Variants in FRMD4B observed in about 807,000 individuals in gnomAD.
The protein encoded by FRMD4B is FERM domain-containing protein 4B.
In FRMD4B, 74 loss-of-function variants were observed where a neutral mutation model predicts 141.5. That is an observed-to-expected ratio of 0.52 (90% CI 0.43 to 0.63). The LOEUF (loss-of-function observed/expected upper bound fraction) is 0.63, where lower values mean the gene tolerates loss of function less well. Ranked by LOEUF, FRMD4B falls within the 30% of genes least tolerant of loss-of-function variation. The pLI, the probability that FRMD4B is intolerant of heterozygous loss-of-function variation, is 0.00. For missense variants in FRMD4B, 1,366 were observed against 1,253.4 expected, an observed-to-expected ratio of 1.09 and a Z score of -1.36; for synonymous variants, 506 against 467.9, an observed-to-expected ratio of 1.08 and a Z score of -1.05.
chr3:69,225,475 A>G (rs949882732), intron 7 of FRMD4B, among the ~76,000 whole-genome samples: 2 of 139,664 alleles, frequency 1.4e-5, no homozygotes, highest in Admixed American at 8.1e-5. Context: ...GGAGATTGAG[A>G]CCATCCTGGC....
intron 1 of FRMD4B, among the ~76,000 whole-genome samples, chr3:69,509,257 C>A (rs911122541): frequency 3.9e-5 from 6 of 152,186 alleles, no homozygotes; most frequent in African/African-American, 1.4e-4. Flanking sequence ...CGGAAGCGAT[C>A]GCTTGCAGTG....
At chr3:69,201,674 CTA>C (rs2092968951) in intron 11 of FRMD4B, among the ~76,000 whole-genome samples, 1 of 152,098 alleles carries the variant, frequency 6.6e-6, no homozygotes, top group African/African-American at 2.4e-5. Flanking sequence ...AATCATTCTC[CTA>C]CTGTGTTTTT....
intron 11 of FRMD4B, among the ~76,000 whole-genome samples, chr3:69,215,514 A>T (rs1337491268): frequency 6.6e-6 from 1 of 151,086 alleles, no homozygotes; most frequent in African/African-American, 2.4e-5. Flanking sequence ...GCTGGTCTCA[A>T]ATTCCTGACC....
chr3:69,517,689 C>T (rs529330996), intron 1 of FRMD4B, among the ~76,000 whole-genome samples: 1 of 152,266 alleles, frequency 6.6e-6, no homozygotes, highest in South Asian at 2.1e-4. Flanking sequence ...GCTTTCAAAT[C>T]CACCCTGCAT....
At chr3:69,470,416 G>GT (rs1378637324) in intron 1 of FRMD4B, among the ~76,000 whole-genome samples, 4 of 151,612 alleles carry the variant, frequency 2.6e-5, no homozygotes, top group South Asian at 4.2e-4. Flanking sequence ...TACCAGTCCA[G>GT]TTTTTTTTAA....
intron 6 of FRMD4B, among the ~76,000 whole-genome samples, chr3:69,249,674 C>T (rs980348010): frequency 3.3e-5 from 5 of 152,112 alleles, no homozygotes; most frequent in Admixed American, 6.5e-5. Context: ...AACTAAAGGG[C>T]TCTTTTACTG....
intron 13 of FRMD4B, 60 bp downstream of exon 13, chr3:69,196,835 GCTTAT>G (rs2107654566): frequency 8.2e-7 from 1 of 1,225,386 alleles, no homozygotes; most frequent in South Asian, 1.4e-5. Context: ...TTGTGAGAAG[GCTTAT>G]CTTCTGAACA....
Position 69,187,924 on chromosome 3 carries a change from TAAGTA to T in FRMD4B, c.1772-12_1772-8del, listed in dbSNP as rs919235640. 5.2e-6 allele frequency: 8 copies of T among 1,524,954 alleles called. No individual in the cohort carries two copies. In the Admixed American group the frequency reaches 1.6e-4, roughly 30 times the overall value. 94.5% of individuals were successfully genotyped at this position (1,524,954 alleles called of 1,614,324 possible). A position where few individuals can be genotyped will look rare whatever the true frequency, so the allele number is the denominator to read the frequency against. ...AAAGTGAAGGCATCACTGGCTATAA[TAAGTA>T]AATGGGTGAATGAAAAAATAAGTAG... is the stretch of plus-strand genomic sequence containing the variant. On this transcript the variant is annotated splice_polypyrimidine_tract_variant and splice_region_variant and intron_variant, in intron 18 of 22. Transcript: ENST00000398540.
chr3:69,458,516 C>T (rs73111277), intron 1 of FRMD4B, among the ~76,000 whole-genome samples: 1,935 of 152,238 alleles, frequency 0.013, 17 homozygotes, highest in African/African-American at 0.03. Context: ...GTGTCCTCAA[C>T]GTACAAAGAC....
At chr3:69,186,019 G>C (rs981717954) in intron 19 of FRMD4B, among the ~76,000 whole-genome samples, 1 of 150,394 alleles carries the variant, frequency 6.6e-6, no homozygotes, top group Non-Finnish European at 1.5e-5. Flanking sequence ...TCCAGCCTGG[G>C]TGACAGAGCA....
chr3:69,409,183 A>C (rs993027758), intron 2 of FRMD4B, among the ~76,000 whole-genome samples: 1 of 152,146 alleles, frequency 6.6e-6, no homozygotes, highest in Non-Finnish European at 1.5e-5. Context: ...CTTTGTGCTG[A>C]ATGTGTGAAT....
At chr3:69,188,403 T>G (rs1429570936) in intron 18 of FRMD4B, among the ~76,000 whole-genome samples, 8 of 152,176 alleles carry the variant, frequency 5.3e-5, no homozygotes, top group Admixed American at 5.2e-4. Context: ...ATATTTACAT[T>G]TTCAAAGAGG....
chr3:69,197,966 A>G (rs1169312310), intron 12 of FRMD4B: 2 of 152,288 alleles, frequency 1.3e-5, no homozygotes, highest in Admixed American at 6.5e-5. Flanking sequence ...CTCTACTAAA[A>G]ATACAAAATT....
chr3:69,416,634 T>A (rs967722056), intron 2 of FRMD4B, among the ~76,000 whole-genome samples: 10 of 152,146 alleles, frequency 6.6e-5, no homozygotes, highest in African/African-American at 2.4e-4. Flanking sequence ...GCTGCACCCA[T>A]CAACCCATCA....
At chr3:69,332,384 T>C (rs1444498139) in intron 1 of FRMD4B, among the ~76,000 whole-genome samples, 1 of 152,168 alleles carries the variant, frequency 6.6e-6, no homozygotes, top group Non-Finnish European at 1.5e-5. Flanking sequence ...ACCCTCATTT[T>C]ACAGATGAGG....
Position 69,176,572 on chromosome 3 carries a change from TAAG to T in FRMD4B, c.2933_2935del (p.Ser978del), listed in dbSNP as rs2092648691. 1 of 1,611,256 alleles carries T rather than the reference TAAG, an allele frequency of 6.2e-7. No individual in the cohort carries two copies. The highest frequency in any genetic ancestry group is 1.3e-5 in the African/African-American group (1 of 74,848). Reference sequence around the variant, plus strand: ...ATAGACATTGCCATAGCAGCTGGTGTAAGAAGAATGTGCTGGAGTCTCGTAATC... The same window carrying T: ...ATAGACATTGCCATAGCAGCTGGTGTAAGAATGTGCTGGAGTCTCGTAATC... On this transcript the variant is annotated inframe_deletion, in exon 22 of 23. Coordinates refer to ENST00000398540, the MANE Select transcript of FRMD4B (RefSeq NM_015123.3).
intron 1 of FRMD4B, among the ~76,000 whole-genome samples, chr3:69,363,503 C>A (rs1291696168): frequency 6.6e-6 from 1 of 151,868 alleles, no homozygotes; most frequent in East Asian, 1.9e-4. Flanking sequence ...CATTCTCCTG[C>A]CTCAGCCTCC....
chr3:69,265,567 C>T (rs1405407572), intron 5 of FRMD4B, among the ~76,000 whole-genome samples: 2 of 149,608 alleles, frequency 1.3e-5, no homozygotes, highest in African/African-American at 2.5e-5. Context: ...CCTGCCTCAG[C>T]CTCCCGAGTA....
chr3:69,394,448 A>G (rs1575785882), intron 2 of FRMD4B, among the ~76,000 whole-genome samples: 1 of 152,244 alleles, frequency 6.6e-6, no homozygotes, highest in East Asian at 1.9e-4. Flanking sequence ...TAACATGACA[A>G]AAAGTCCACC....
Sources: gnomAD v4.1 joint callset for allele counts (sites outside exome capture counted in the v4.1 genomes callset) on GRCh38, gnomAD v4.1.1 for gene constraint, MANE v1.5 for transcripts, NCBI Gene and HGNC (gene_info 2026-07-23, HGNC 2026-07-21) for gene names.